The following JAK2 variants were observed in gnomAD, a reference collection of about 807,000 sequenced individuals.
The protein encoded by JAK2 is Janus kinase 2.
A neutral mutation model predicts 139.3 loss-of-function variants in JAK2; 86 were observed. That is an observed-to-expected ratio of 0.62 (90% CI 0.52 to 0.74). The LOEUF (loss-of-function observed/expected upper bound fraction) is 0.74. JAK2 is among the 30% of genes least tolerant of loss of function. JAK2 has a pLI of 0.00. For synonymous variants in JAK2, 490 were observed against 437.7 expected, an observed-to-expected ratio of 1.12 and a Z score of -1.49; for missense variants, 1,421 against 1,360.3, an observed-to-expected ratio of 1.04 and a Z score of -0.70.
At chr9:5,080,156 A>T (rs1396366184) in intron 16 of JAK2, 73 bp from the exon 17 acceptor site, 2 of 1,160,846 alleles carry the variant, frequency 1.7e-6, no homozygotes, top group Admixed American at 4.6e-5. Flanking sequence ...TTTGAACTTT[A>T]AAGCTATTTA....
chr9:5,095,056 A>G (rs1488672017), intron 22 of JAK2: 2 of 152,138 alleles, frequency 1.3e-5, no homozygotes, highest in East Asian at 1.9e-4. Flanking sequence ...TTGATAGAGT[A>G]AACAAGAGAG....
intron 22 of JAK2, among the ~76,000 whole-genome samples, chr9:5,107,469 T>A (rs987283129): frequency 1.3e-5 from 2 of 152,082 alleles, no homozygotes; most frequent in Non-Finnish European, 2.9e-5. Context: ...TTCAAACAAA[T>A]TACCTAACAA....
intron 19 of JAK2, chr9:5,085,385 C>T (rs1820007157): frequency 1.1e-6 from 1 of 895,050 alleles, no homozygotes; most frequent in Non-Finnish European, 1.9e-6. Context: ...ACCACTGGGT[C>T]GGGGCATCCT....
chr9:4,992,110 CA>C (rs1460398852), intron 2 of JAK2, among the ~76,000 whole-genome samples: 2 of 152,162 alleles, frequency 1.3e-5, no homozygotes, highest in Admixed American at 6.5e-5. Context: ...AATTGCCAGC[CA>C]GGGGTGACTT....
At chr9:5,042,827 C>T (rs1470971836) in intron 4 of JAK2, among the ~76,000 whole-genome samples, 14 of 152,214 alleles carry the variant, frequency 9.2e-5, no homozygotes, top group Non-Finnish European at 5.9e-5. Context: ...CTGAAGCCAG[C>T]CCCGCAACCA....
At position 5,021,366 on chromosome 9, in the gene JAK2, G is replaced by C. The variant is rs138366527; in HGVS notation, c.-25-597G>C. Among the ~76,000 whole-genome samples the C allele has an allele frequency of 9.0e-3, 1,375 of 152,232 alleles. 16 individuals are homozygous for C. Among genetic ancestry groups the C allele is most frequent in the African/African-American group, 0.03 (1,251 of 41,534 alleles). ...CCCCCAATTTGAGATCTCTTCTTCT[G>C]TTGTCTGTAACTGAGTTTAATGCTT... is the stretch of plus-strand genomic sequence containing the variant. On this transcript the variant is annotated intron_variant, in intron 2 of 24. Transcript: ENST00000381652.
chr9:5,085,859 G>GTCT, intron 19 of JAK2: 1 of 773,902 alleles, frequency 1.3e-6, no homozygotes, highest in Non-Finnish European at 2.4e-6. Flanking sequence ...AGTACTCAGA[G>GTCT]ATTTCCTTAA....
chr9:5,093,765 A>ATAAT (rs1214161552), intron 22 of JAK2, among the ~76,000 whole-genome samples: 1 of 152,160 alleles, frequency 6.6e-6, no homozygotes, highest in Non-Finnish European at 1.5e-5. Flanking sequence ...TATCATATCA[A>ATAAT]TAATAGGGTT....
At chr9:5,004,445 G>A (rs1172898846) in intron 2 of JAK2, among the ~76,000 whole-genome samples, 1 of 152,116 alleles carries the variant, frequency 6.6e-6, no homozygotes, top group African/African-American at 2.4e-5. Flanking sequence ...GTTCATCCAT[G>A]TTGTTGTAAA....
At chr9:5,070,119 A>G (rs1458207726) in intron 12 of JAK2, 67 bp downstream of exon 12, 1 of 1,133,532 alleles carries the variant, frequency 8.8e-7, no homozygotes, top group East Asian at 2.5e-5. Context: ...TTCTTGATTT[A>G]CATTCATGTG....
At position 5,077,571 on chromosome 9, in the gene JAK2, G is replaced by A. The variant is rs1280410041; in HGVS notation, c.1983G>A (p.Met661Ile). 2.7e-6 allele frequency: 4 copies of A among 1,481,630 alleles called. No individual in the cohort carries two copies. The highest frequency in any genetic ancestry group is 2.6e-5 in the East Asian group (1 of 38,310). 91.8% of individuals were successfully genotyped at this position (1,481,630 alleles called of 1,614,324 possible). A position where few individuals can be genotyped will look rare whatever the true frequency, so the allele number is the denominator to read the frequency against. Reference sequence around the variant, plus strand: ...TTGCTAAACAGTTGGCATGGGCCATGCATTTTCTAGTAAGTAGTACAACCT... The same window carrying A: ...TTGCTAAACAGTTGGCATGGGCCATACATTTTCTAGTAAGTAGTACAACCT... ...LEVAKQLAWA[M>I]HFLEENTLIH... Residue 661 changes from methionine (M) to isoleucine (I), a missense_variant, in exon 15 of 25, where the codon ATG becomes ATA. Transcript: ENST00000381652.
In JAK2 at chr9:5,054,067, G is replaced by C. The variant is rs1473148826; in HGVS notation, c.615-496G>C. Among the ~76,000 whole-genome samples the C allele has an allele frequency of 6.6e-6, 1 of 152,008 alleles. No individual in the cohort carries two copies. Among genetic ancestry groups the C allele is most frequent in the African/African-American group, 2.4e-5 (1 of 41,426 alleles). On this transcript the variant is annotated intron_variant, in intron 6 of 24. Coordinates refer to ENST00000381652, the MANE Select transcript of JAK2 (RefSeq NM_004972.4). This position sits in a 1 kb window ranked among gnomAD's most constrained non-coding sequence, Gnocchi z 4.9. ...GATCACAAAGGAATTATTAGGAGTTGAAGCTGGCCTAACAAAATAATATAC... is the reference window on the plus strand; with the variant it reads ...GATCACAAAGGAATTATTAGGAGTTCAAGCTGGCCTAACAAAATAATATAC...
intron 5 of JAK2, among the ~76,000 whole-genome samples, chr9:5,047,744 T>C (rs964876338): frequency 2.0e-5 from 3 of 152,146 alleles, no homozygotes; most frequent in African/African-American, 7.2e-5. Flanking sequence ...TACAGGTGTG[T>C]GCCACTATGC....
chr9:5,043,205 A>G (rs1052260810), intron 4 of JAK2, among the ~76,000 whole-genome samples: 1 of 152,204 alleles, frequency 6.6e-6, no homozygotes, highest in Non-Finnish European at 1.5e-5. Context: ...AGCTTGAGGC[A>G]GTGCCCAGGG....
intron 2 of JAK2, among the ~76,000 whole-genome samples, chr9:5,009,324 A>T (rs1821532057): frequency 6.6e-6 from 1 of 152,224 alleles, no homozygotes; most frequent in Non-Finnish European, 1.5e-5. Context: ...GCCGTGAAGA[A>T]TATCCACAAA....
At chr9:5,032,752 C>T (rs890372207) in intron 4 of JAK2, among the ~76,000 whole-genome samples, 1 of 152,136 alleles carries the variant, frequency 6.6e-6, no homozygotes, top group South Asian at 2.1e-4. Flanking sequence ...CTGTATGTCA[C>T]CATCATCAAA....
intron 8 of JAK2, among the ~76,000 whole-genome samples, chr9:5,062,838 G>T (rs1361528033): frequency 6.6e-6 from 1 of 152,110 alleles, no homozygotes. Flanking sequence ...AATACCTCAT[G>T]TGTTTATAGG....
At chr9:5,084,915 C>T (rs1819961465) in intron 19 of JAK2, 2 of 512,192 alleles carry the variant, frequency 3.9e-6, no homozygotes, top group Non-Finnish European at 3.8e-6. Context: ...TGGTTATCTG[C>T]ACATGAAGCA....
Position 5,064,926 on chromosome 9 carries a change from C to T in JAK2, c.1100C>T (p.Ser367Leu), listed in dbSNP as rs2130491963. Reference sequence around the variant, plus strand: ...TTAAGGGAAGCTTTGTCTTTCGTGTCATTAATTGATGGATATTATAGATTA... The same window carrying T: ...TTAAGGGAAGCTTTGTCTTTCGTGTTATTAATTGATGGATATTATAGATTA... ...SSLREALSFV[S>L]LIDGYYRLTA... Residue 367 changes from serine (S) to leucine (L), a missense_variant, in exon 9 of 25, where the codon TCA (serine) becomes TTA (leucine). Ser to Leu is a moderately radical substitution (Grantham distance 145). Coordinates refer to ENST00000381652, the MANE Select transcript of JAK2 (RefSeq NM_004972.4). 1 of 1,598,042 alleles carries T rather than the reference C, an allele frequency of 6.3e-7. No individual in the cohort carries two copies. Among genetic ancestry groups the T allele is most frequent in the Non-Finnish European group, 8.5e-7 (1 of 1,171,542 alleles).
Sources: gnomAD v4.1 joint callset for allele counts (sites outside exome capture counted in the v4.1 genomes callset) on GRCh38, gnomAD v4.1.1 for gene constraint, Gnocchi (gnomAD v3.1) non-coding constraint, MANE v1.5 for transcripts, NCBI Gene and HGNC (gene_info 2026-07-23, HGNC 2026-07-21) for gene names.